The following PTBP3 variants were observed in gnomAD, a reference collection of about 807,000 sequenced individuals.
The protein encoded by PTBP3 is polypyrimidine tract binding protein 3.
A neutral mutation model predicts 58.7 loss-of-function variants in PTBP3; 20 were observed. That is an observed-to-expected ratio of 0.34 (90% CI 0.24 to 0.50). PTBP3 has a LOEUF of 0.50. Ranked by LOEUF, PTBP3 falls within the 20% of genes least tolerant of loss-of-function variation. The probability of loss-of-function intolerance (pLI) is 0.98; values close to 1 mark genes in which losing one functional copy is unlikely to be tolerated. For synonymous variants in PTBP3, 185 were observed against 219.8 expected (o/e 0.84, Z 1.40); for missense variants, 509 against 637.2 (o/e 0.80, Z 2.17).
intron 8 of PTBP3, among the ~76,000 whole-genome samples, chr9:112,234,450 A>G (rs1037609812): frequency 6.6e-5 from 10 of 152,244 alleles, no homozygotes; most frequent in Admixed American, 6.5e-5. Context: ...CAAAGATAAG[A>G]CAGGTCTGTT....
chr9:112,297,912 C>T lies in PTBP3; in HGVS notation c.-47G>A, dbSNP rs746989944. Reference sequence around the variant, plus strand: ...GCCAGAAGAAAGAAGCTCATCAGATCCCCGCTGAAAAGCAAAACCAATGTT... The same window carrying T: ...GCCAGAAGAAAGAAGCTCATCAGATTCCCGCTGAAAAGCAAAACCAATGTT... On this transcript the variant is annotated 5_prime_UTR_variant, in exon 2 of 14. Coordinates refer to ENST00000374257, the MANE Select transcript of PTBP3 (RefSeq NM_001163788.4). The T allele has an allele frequency of 2.5e-6, 4 of 1,611,378 alleles. No homozygotes were observed. The highest frequency in any genetic ancestry group is 2.5e-6 in the Non-Finnish European group (3 of 1,178,908).
intron 2 of PTBP3, among the ~76,000 whole-genome samples, chr9:112,277,924 AAC>A (rs1270882329): frequency 1.4e-3 from 188 of 130,322 alleles, no homozygotes; most frequent in African/African-American, 2.8e-3. Context: ...AACATAACAT[AAC>A]ATAACATAAC....
chr9:112,325,586 T>C (rs1233755607), intron 1 of PTBP3, among the ~76,000 whole-genome samples: 3 of 118,646 alleles, frequency 2.5e-5, no homozygotes, highest in African/African-American at 3.5e-5. Context: ...CATAGTGGAA[T>C]TCTCACAGAA....
the PTBP3 span, among the ~76,000 whole-genome samples, chr9:112,361,945 C>G: frequency 6.6e-6 from 1 of 152,136 alleles, no homozygotes; most frequent in Admixed American, 6.5e-5. Flanking sequence ...AGTGGGTGTA[C>G]AGTGGAATCT....
intron 10 of PTBP3, among the ~76,000 whole-genome samples, chr9:112,228,787 G>T (rs1366855527): frequency 6.6e-6 from 1 of 152,054 alleles, no homozygotes; most frequent in Non-Finnish European, 1.5e-5. Context: ...CAGAAACCTG[G>T]GAGTCATCTT....
chr9:112,246,112 A>G (rs1835865768), intron 7 of PTBP3, among the ~76,000 whole-genome samples: 1 of 151,702 alleles, frequency 6.6e-6, no homozygotes, highest in African/African-American at 2.4e-5. Context: ...CCCCCCTAGT[A>G]GCTGGGACTA....
At chr9:112,336,495 A>G (rs1030106554), upstream of PTBP3, among the ~76,000 whole-genome samples, 1 of 133,094 alleles carries the variant, frequency 7.5e-6, no homozygotes, top group East Asian at 2.1e-4. Flanking sequence ...AAAAAAAAAA[A>G]TTTGGCTGGG....
Position 112,271,241 on chromosome 9 carries a change from G to C in PTBP3, c.205-3046C>G, listed in dbSNP as rs570063181. 2.2e-4 allele frequency among the ~76,000 whole-genome samples: 33 copies of C among 152,304 alleles called. No homozygotes were observed. In the South Asian group the frequency reaches 2.7e-3, roughly 12 times the overall value. On this transcript the variant is annotated intron_variant, in intron 3 of 13. Transcript: ENST00000374257. ...CCCTTATCCAAAATGCTTAGGAACA[G>C]AAGTGTTTTAGATTTCAGATTTTGA...
At chr9:112,232,019 GA>G (rs377648689) in intron 9 of PTBP3, 79 bp downstream of exon 9, 36,116 of 423,230 alleles carry the variant, frequency 0.085, 3,135 homozygotes, top group African/African-American at 0.21. Flanking sequence ...GAGAAGAGAA[GA>G]AAAGAAAAGA....
chr9:112,373,997 G>A, the PTBP3 span, among the ~76,000 whole-genome samples: 1 of 152,024 alleles, frequency 6.6e-6, no homozygotes, highest in Non-Finnish European at 1.5e-5. Flanking sequence ...TTTCCTGGTG[G>A]GGTGACCCAA....
chr9:112,244,216 G>A (rs574623394), intron 7 of PTBP3, among the ~76,000 whole-genome samples: 1 of 137,388 alleles, frequency 7.3e-6, no homozygotes, highest in East Asian at 2.2e-4. Context: ...CTTGGACCTG[G>A]GAGGCAGAGG....
At chr9:112,296,081 G>T (rs1828676534) in intron 2 of PTBP3, among the ~76,000 whole-genome samples, 1 of 152,124 alleles carries the variant, frequency 6.6e-6, no homozygotes, top group Non-Finnish European at 1.5e-5. Flanking sequence ...TTTATGTGTG[G>T]CCCAAGAGAA....
chr9:112,356,297 C>T, the PTBP3 span, among the ~76,000 whole-genome samples: 23 of 152,212 alleles, frequency 1.5e-4, 2 homozygotes, highest in Middle Eastern at 0.014. Flanking sequence ...TTTAAAGCAG[C>T]TTTCCCAGAA....
chr9:112,301,407 A>T (rs75914658), intron 1 of PTBP3, among the ~76,000 whole-genome samples: 2 of 152,236 alleles, frequency 1.3e-5, no homozygotes, highest in East Asian at 3.9e-4. Context: ...GTAGCAATGT[A>T]AAATGGTACA....
At chr9:112,230,268 G>A (rs1326619253) in intron 10 of PTBP3, among the ~76,000 whole-genome samples, 2 of 152,094 alleles carry the variant, frequency 1.3e-5, no homozygotes, top group Admixed American at 6.6e-5. Flanking sequence ...TGAGACTACA[G>A]TGAGCTATGA....
intron 4 of PTBP3, among the ~76,000 whole-genome samples, chr9:112,266,380 G>T (rs1157741080): frequency 6.6e-6 from 1 of 152,162 alleles, no homozygotes; most frequent in African/African-American, 2.4e-5. Context: ...TTACTCATTT[G>T]CTCATCCATT....
intron 4 of PTBP3, among the ~76,000 whole-genome samples, chr9:112,265,197 C>G (rs1391577760): frequency 6.6e-6 from 1 of 151,942 alleles, no homozygotes; most frequent in African/African-American, 2.4e-5. Flanking sequence ...TAAGATCTTG[C>G]TCTGCAATAC....
chr9:112,256,294 CATATATAT>C (rs370450580), intron 5 of PTBP3, among the ~76,000 whole-genome samples: 1 of 59,014 alleles, frequency 1.7e-5, no homozygotes, highest in East Asian at 4.0e-4. Context: ...TATATATATA[CATATATAT>C]ATATATATTT....
In PTBP3 at chr9:112,327,356, C is replaced by T. The variant is rs1444846013; in HGVS notation, c.-52+6114G>A. ...CGGGCAGATCACGAGGTTAGGAGTT[C>T]GAGACCAGCCTGGCCAATATGGTGA... On this transcript the variant is annotated intron_variant, in intron 1 of 13. Transcript: ENST00000374257. Among the ~76,000 whole-genome samples the T allele has an allele frequency of 1.1e-4, 16 of 152,118 alleles. 1 individual carries two copies. The South Asian group carries it at 2.7e-3, about 26-fold the overall frequency.
Sources: allele counts gnomAD v4.1 joint callset (sites outside exome capture counted in the v4.1 genomes callset), GRCh38; gene constraint gnomAD v4.1.1; transcripts MANE v1.5; gene names NCBI Gene and HGNC (gene_info 2026-07-23, HGNC 2026-07-21).